The following XKR9 variants were observed in gnomAD, a reference collection of about 807,000 sequenced individuals.
The protein encoded by XKR9 is XK-related protein 9.
XKR9 carries 32 observed loss-of-function variants against 32.0 expected under a neutral mutation model. That is an observed-to-expected ratio of 1.00 (90% CI 0.76 to 1.34). The LOEUF (loss-of-function observed/expected upper bound fraction) is 1.34. Among genes scored for constraint, XKR9 ranks in the 40% most tolerant of loss-of-function variants. XKR9 has a pLI of 0.00. For missense variants in XKR9, 546 were observed against 429.7 expected (o/e 1.27, Z -2.39); for synonymous variants, 168 against 143.4 (o/e 1.17, Z -1.22).
At chr8:70,742,277 T>C (rs970169719) in intron 2 of XKR9, among the ~76,000 whole-genome samples, 2 of 152,196 alleles carry the variant, frequency 1.3e-5, no homozygotes, top group Non-Finnish European at 2.9e-5. Flanking sequence ...CCATTTACTC[T>C]TTTAGGAGGT....
At chr8:70,794,980 A>T (rs1161889195), downstream of XKR9, among the ~76,000 whole-genome samples, 1 of 151,856 alleles carries the variant, frequency 6.6e-6, no homozygotes, top group Non-Finnish European at 1.5e-5. Flanking sequence ...GTTGTTGTTT[A>T]TTATTATTTT....
At chr8:70,998,614 A>G in the XKR9 span, among the ~76,000 whole-genome samples, 53 of 152,332 alleles carry the variant, frequency 3.5e-4, no homozygotes, top group African/African-American at 9.1e-4. Flanking sequence ...TTTTAGTCCA[A>G]TGGTTCTCAA....
rs541283076 is a variant in XKR9, at chr8:70,696,436, G to C, written c.273-10497G>C. Among the ~76,000 whole-genome samples the C allele has an allele frequency of 1.6e-4, 24 of 151,694 alleles. No homozygotes were observed. In the East Asian group the frequency reaches 2.3e-3, roughly 15 times the overall value. On this transcript the variant is annotated intron_variant, in intron 3 of 4. Transcript: ENST00000408926. ...TTTTCCCAGCACCATTTATTAAATAGGGAATCCTTTCCCCATTGCTTGTTT... is the reference window on the plus strand; with the variant it reads ...TTTTCCCAGCACCATTTATTAAATACGGAATCCTTTCCCCATTGCTTGTTT...
the XKR9 span, among the ~76,000 whole-genome samples, chr8:70,869,516 A>G: frequency 1.3e-5 from 2 of 152,158 alleles, no homozygotes; most frequent in East Asian, 3.9e-4. Flanking sequence ...ACCTGCCCCC[A>G]TGATTAAATT....
chr8:70,902,730 C>G, the XKR9 span, among the ~76,000 whole-genome samples: 3 of 152,260 alleles, frequency 2.0e-5, no homozygotes, highest in African/African-American at 7.2e-5. Flanking sequence ...ATGCTTTCTG[C>G]TTTTGTCCAT....
intron 4 of XKR9, among the ~76,000 whole-genome samples, chr8:70,733,269 T>A (rs1806732731): frequency 6.6e-6 from 1 of 152,160 alleles, no homozygotes; most frequent in African/African-American, 2.4e-5. Context: ...TTGGGCTTGT[T>A]TAATATCTCA....
chr8:70,980,818 T>G, the XKR9 span, among the ~76,000 whole-genome samples: 11 of 152,350 alleles, frequency 7.2e-5, no homozygotes, highest in East Asian at 1.5e-3. Flanking sequence ...TAACCGTTCT[T>G]GTAGTGCTGG....
At chr8:70,847,755 A>G in the XKR9 span, among the ~76,000 whole-genome samples, 6 of 152,014 alleles carry the variant, frequency 3.9e-5, no homozygotes, top group Non-Finnish European at 8.8e-5. Flanking sequence ...CATTCAACCT[A>G]CCAAGATCAA....
the XKR9 span, among the ~76,000 whole-genome samples, chr8:70,943,003 C>G: frequency 3.1e-4 from 47 of 152,212 alleles, no homozygotes; most frequent in Non-Finnish European, 5.6e-4. Context: ...AAATGGTTTA[C>G]ATAGAGCATA....
chr8:70,764,394 G>A (rs1256834660), intron 2 of XKR9, among the ~76,000 whole-genome samples: 1 of 152,068 alleles, frequency 6.6e-6, no homozygotes, highest in Non-Finnish European at 1.5e-5. Context: ...GAGAGGGTAG[G>A]TCAGAAAATG....
chr8:70,860,707 T>C, the XKR9 span, among the ~76,000 whole-genome samples: 9 of 149,870 alleles, frequency 6.0e-5, no homozygotes, highest in African/African-American at 2.2e-4. Flanking sequence ...CTTCTCCTGC[T>C]TGTTTATAAA....
chr8:70,987,178 G>A, the XKR9 span, among the ~76,000 whole-genome samples: 6 of 152,012 alleles, frequency 3.9e-5, no homozygotes, highest in Admixed American at 6.6e-5. Flanking sequence ...TTCAGCCCCT[G>A]GACCCTGCCA....
chr8:70,833,783 T>C, the XKR9 span, among the ~76,000 whole-genome samples: 1 of 152,188 alleles, frequency 6.6e-6, no homozygotes, highest in South Asian at 2.1e-4. Context: ...ATTATGCCTT[T>C]CCCTCTCAGT....
At chr8:70,878,680 G>T in the XKR9 span, among the ~76,000 whole-genome samples, 4 of 151,874 alleles carry the variant, frequency 2.6e-5, no homozygotes, top group Admixed American at 1.3e-4. Context: ...CTACAAAGAG[G>T]CTTAGACTCC....
At chr8:70,961,916 G>C in the XKR9 span, among the ~76,000 whole-genome samples, 145 of 152,216 alleles carry the variant, frequency 9.5e-4, no homozygotes, top group Middle Eastern at 6.8e-3. Flanking sequence ...CTTATGTTTA[G>C]TAGATAAAAT....
At chr8:70,762,879 G>T (rs539829237) in intron 2 of XKR9, among the ~76,000 whole-genome samples, 1 of 152,124 alleles carries the variant, frequency 6.6e-6, no homozygotes, top group African/African-American at 2.4e-5. Context: ...ATTTATTTGT[G>T]TTACAAAGCA....
intron 3 of XKR9, 120 bp downstream of exon 3, chr8:70,681,450 GT>G: frequency 1.6e-6 from 2 of 1,218,190 alleles, no homozygotes; most frequent in Non-Finnish European, 2.3e-6. Context: ...AAGCACAAAG[GT>G]TACTTGCTCC....
the XKR9 span, among the ~76,000 whole-genome samples, chr8:70,952,514 G>A: frequency 6.6e-6 from 1 of 152,114 alleles, no homozygotes; most frequent in African/African-American, 2.4e-5. Context: ...TTGTCAAGTG[G>A]CTTTCTTGTG....
the XKR9 span, among the ~76,000 whole-genome samples, chr8:70,947,955 G>T: frequency 6.6e-6 from 1 of 152,324 alleles, no homozygotes; most frequent in East Asian, 1.9e-4. Flanking sequence ...GTCTGCTAAA[G>T]AGCATGGTGA....
Sources: gnomAD v4.1 joint callset for allele counts (sites outside exome capture counted in the v4.1 genomes callset) on GRCh38, gnomAD v4.1.1 for gene constraint, MANE v1.5 for transcripts, NCBI Gene and HGNC (gene_info 2026-07-23, HGNC 2026-07-21) for gene names.